The following CXCR6 variants were observed in gnomAD, a reference collection of about 807,000 sequenced individuals.
CXCR6 encodes C-X-C motif chemokine receptor 6.
In CXCR6, 3 loss-of-function variants were observed where a neutral mutation model predicts 1.6. That is an observed-to-expected ratio of 1.83 (90% confidence interval 0.83 to 4.72). The LOEUF (loss-of-function observed/expected upper bound fraction) is 4.72. Among genes scored for constraint, CXCR6 ranks in the 30% most tolerant of loss-of-function variants. CXCR6 has a pLI of 0.02. For synonymous variants in CXCR6, 171 were observed against 159.2 expected (o/e 1.07, Z -0.56); for missense variants, 326 against 414.8 (o/e 0.79, Z 1.86).
In CXCR6 at chr3:45,947,507, A is replaced by G. The variant is rs1408626161; in HGVS notation, c.1026A>G (p.Leu342=). ...TGGAGGCCACCAGCATGTTCCAGTT[A>G]TAGGCCTTGCCAGGGTTTCGAGAAG... The part of the protein sequence containing the change: ...HNVEATSMFQ[L] The change falls in exon 2 of 2, where the codon TTA becomes TTG. Residue 342 remains leucine, a synonymous_variant. Coordinates refer to ENST00000304552, the MANE Select transcript of CXCR6 (RefSeq NM_006564.2). The G allele has an allele frequency of 6.2e-6, 10 of 1,611,358 alleles. No individual in the cohort carries two copies. The highest frequency in any genetic ancestry group is 3.3e-4 in the Middle Eastern group (2 of 6,054).
upstream of CXCR6, among the ~76,000 whole-genome samples, chr3:45,942,971 C>T (rs1017249594): frequency 6.6e-6 from 1 of 152,168 alleles, no homozygotes; most frequent in Non-Finnish European, 1.5e-5. Flanking sequence ...TAGCTGTGTG[C>T]ACCAGGGCTT....
upstream of CXCR6, chr3:45,941,135 T>G (rs2125812803): frequency 6.6e-6 from 1 of 152,386 alleles, no homozygotes; most frequent in East Asian, 1.9e-4. Context: ...TCCTCTCATC[T>G]TAGCCTCTTG....
chr3:45,944,890 T>C (rs185648776), intron 1 of CXCR6: 1 of 152,354 alleles, frequency 6.6e-6, no homozygotes, highest in East Asian at 1.9e-4. Context: ...TTTGCCCATG[T>C]GAATCAATAA....
Position 45,946,686 on chromosome 3 carries a change from T to C in CXCR6, c.205T>C (p.Phe69Leu), listed in dbSNP as rs1704632628. ...YHKLQSLTDV[F>L]LVNLPLADLV... ...TAAGTTGCAGAGCCTGACGGATGTG[T>C]TCCTGGTGAACCTACCCCTGGCTGA... is the stretch of plus-strand genomic sequence containing the variant. Residue 69 changes from phenylalanine to leucine, a missense_variant, in exon 2 of 2, where the codon TTC (phenylalanine) becomes CTC (leucine). Phe to Leu is a conservative substitution (Grantham distance 22). Coordinates refer to ENST00000304552, the MANE Select transcript of CXCR6 (RefSeq NM_006564.2). The C allele has an allele frequency of 6.2e-7, 1 of 1,614,228 alleles. No individual in the cohort carries two copies. The highest frequency in any genetic ancestry group is 2.2e-5 in the East Asian group (1 of 44,896).
At chr3:45,945,553 T>C (rs992008193) in intron 1 of CXCR6, 1 of 152,146 alleles carries the variant, frequency 6.6e-6, no homozygotes, top group Admixed American at 6.5e-5. Context: ...CCATTTCAAT[T>C]GGGTTTTCTG....
At position 45,946,562 on chromosome 3, in the gene CXCR6, G is replaced by A; in HGVS notation, c.81G>A (p.Leu27=). The change falls in exon 2 of 2, where the codon CTG becomes CTA. Residue 27 remains leucine, a synonymous_variant. Transcript: ENST00000304552. ...GCCAGGAGGAGCATCAAGACTTCCTGCAGTTCAGCAAGGTCTTTCTGCCCT... is the reference window on the plus strand; with the variant it reads ...GCCAGGAGGAGCATCAAGACTTCCTACAGTTCAGCAAGGTCTTTCTGCCCT... ...DSSQEEHQDF[L]QFSKVFLPCM... is the part of the protein sequence containing the mutation. The A allele has an allele frequency of 6.2e-7, 1 of 1,614,200 alleles. No individual in the cohort carries two copies. Among genetic ancestry groups the A allele is most frequent in the Non-Finnish European group, 8.5e-7 (1 of 1,180,036 alleles).
Position 45,948,303 on chromosome 3 carries a change from TA to T in CXCR6, c.*794del, listed in dbSNP as rs1366136620. ...CATACACACATATGTCATATATTAC[TA>T]GCATATGAGTTTCATAGCTAAGAAA... On this transcript the variant is annotated 3_prime_UTR_variant, in exon 2 of 2. Coordinates refer to ENST00000304552, the MANE Select transcript of CXCR6 (RefSeq NM_006564.2). 6.0e-6 allele frequency: 1 copy of T among 166,706 alleles called. No homozygotes were observed. Among genetic ancestry groups the T allele is most frequent in the African/African-American group, 2.4e-5 (1 of 41,470 alleles). 10.3% of individuals were successfully genotyped at this position (166,706 alleles called of 1,614,324 possible).
Position 45,947,073 on chromosome 3 carries a change from C to A in CXCR6, c.592C>A (p.Leu198Met). Reference protein sequence around the residue: ...STVVLATQMTLGFFLPLLTMI... With the variant: ...STVVLATQMTMGFFLPLLTMI... ...TGTGGTTCTTGCCACCCAGATGACACTGGGGTTCTTCTTGCCACTGCTCAC... is the reference window on the plus strand; with the variant it reads ...TGTGGTTCTTGCCACCCAGATGACAATGGGGTTCTTCTTGCCACTGCTCAC... Residue 198 changes from leucine (L) to methionine (M), a missense_variant, in exon 2 of 2, where the codon CTG becomes ATG. By Grantham distance (15) the Leu-to-Met change is conservative (BLOSUM62 2). Coordinates refer to ENST00000304552, the MANE Select transcript of CXCR6 (RefSeq NM_006564.2). 1 of 1,614,230 alleles carries A rather than the reference C, an allele frequency of 6.2e-7. No individual in the cohort carries two copies. The highest frequency in any genetic ancestry group is 1.1e-5 in the South Asian group (1 of 91,082).
At position 45,947,469 on chromosome 3, in the gene CXCR6, G is replaced by A; in HGVS notation, c.988G>A (p.Ala330Thr). ...TGAGGACAATTCCAAGACTTTTTCTGCCTCCCACAATGTGGAGGCCACCAG... is the reference window on the plus strand; with the variant it reads ...TGAGGACAATTCCAAGACTTTTTCTACCTCCCACAATGTGGAGGCCACCAG... Reference protein sequence around the residue: ...SSEDNSKTFSASHNVEATSMF... With the variant: ...SSEDNSKTFSTSHNVEATSMF... Residue 330 changes from alanine (A) to threonine (T), a missense_variant, in exon 2 of 2, where the codon GCC (alanine) becomes ACC (threonine). Ala to Thr is a moderately conservative substitution (Grantham distance 58, BLOSUM62 0). Coordinates refer to ENST00000304552, the MANE Select transcript of CXCR6 (RefSeq NM_006564.2). The A allele has an allele frequency of 6.2e-7, 1 of 1,614,194 alleles. No individual in the cohort carries two copies. The highest frequency in any genetic ancestry group is 8.5e-7 in the Non-Finnish European group (1 of 1,180,018).
At position 45,948,338 on chromosome 3, in the gene CXCR6, T is replaced by A. The variant is rs1704772371; in HGVS notation, c.*828T>A. ...GTTTCATAGCTAAGAAATAAAACTG[T>A]TAAAGTCTCCAAACTACTTTTACAC... On this transcript the variant is annotated 3_prime_UTR_variant, in exon 2 of 2. Coordinates refer to ENST00000304552, the MANE Select transcript of CXCR6 (RefSeq NM_006564.2). The A allele has an allele frequency of 6.0e-6, 1 of 165,632 alleles. No individual in the cohort carries two copies. Among genetic ancestry groups the A allele is most frequent in the African/African-American group, 2.4e-5 (1 of 41,468 alleles). 10.3% of individuals were successfully genotyped at this position (165,632 alleles called of 1,614,324 possible). A position where few individuals can be genotyped will look rare whatever the true frequency, so the allele number is the denominator to read the frequency against.
At chr3:45,943,897 C>T (rs2125817660) in intron 1 of CXCR6, among the ~76,000 whole-genome samples, 2 of 152,236 alleles carry the variant, frequency 1.3e-5, no homozygotes, top group South Asian at 4.1e-4. Context: ...ATAAGACAGG[C>T]TGTTTTATCA....
chr3:45,942,619 TG>T (rs1158647894), upstream of CXCR6, among the ~76,000 whole-genome samples: 1 of 152,200 alleles, frequency 6.6e-6, no homozygotes, highest in Non-Finnish European at 1.5e-5. Context: ...TACAAGGCAC[TG>T]GGGCATGTGA....
chr3:45,946,692 G>A lies in CXCR6; in HGVS notation c.211G>A (p.Val71Met), dbSNP rs377719003. The A allele has an allele frequency of 6.8e-6, 11 of 1,614,088 alleles. No homozygotes were observed. In the East Asian group the frequency reaches 8.9e-5, roughly 13 times the overall value. Residue 71 changes from valine (V) to methionine (M), a missense_variant, in exon 2 of 2, where the codon GTG becomes ATG. Physicochemically the swap from Val to Met is conservative, Grantham distance 21. Transcript: ENST00000304552. Reference protein sequence around the residue: ...KLQSLTDVFLVNLPLADLVFV... With the variant: ...KLQSLTDVFLMNLPLADLVFV... ...GCAGAGCCTGACGGATGTGTTCCTGGTGAACCTACCCCTGGCTGACCTGGT... is the reference window on the plus strand; with the variant it reads ...GCAGAGCCTGACGGATGTGTTCCTGATGAACCTACCCCTGGCTGACCTGGT...
intron 1 of CXCR6, among the ~76,000 whole-genome samples, chr3:45,944,128 G>A (rs1371746898): frequency 2.0e-5 from 3 of 152,058 alleles, no homozygotes; most frequent in Non-Finnish European, 4.4e-5. Flanking sequence ...CAGAATACAT[G>A]GCAGAAGGAT....
At chr3:45,944,214 G>GTATA (rs1211915624) in intron 1 of CXCR6, among the ~76,000 whole-genome samples, 1 of 151,582 alleles carries the variant, frequency 6.6e-6, no homozygotes, top group Admixed American at 6.6e-5. Flanking sequence ...GTGTGTGTGT[G>GTATA]TGTATATATA....
Position 45,947,174 on chromosome 3 carries a change from G to A in CXCR6, c.693G>A (p.Lys231=), listed in dbSNP as rs767173323. The A allele has an allele frequency of 4.5e-5, 73 of 1,614,048 alleles. 1 individual carries two copies. The Admixed American group carries it at 1.2e-3, about 27-fold the overall frequency. The change falls in exon 2 of 2, where the codon AAG becomes AAA. Residue 231 remains lysine, a synonymous_variant. Transcript: ENST00000304552. ...GCTTCCAGAAGCACAGATCTCTAAA[G>A]ATCATCTTCCTGGTGATGGCTGTGT... ...AGGFQKHRSL[K]IIFLVMAVFL... is the part of the protein sequence containing the mutation.
Position 45,947,133 on chromosome 3 carries a change from C to G in CXCR6, c.652C>G (p.Leu218Val). The G allele has an allele frequency of 6.2e-7, 1 of 1,614,218 alleles. No homozygotes were observed. The highest frequency in any genetic ancestry group is 8.5e-7 in the Non-Finnish European group (1 of 1,180,034). The change falls in exon 2 of 2, where the codon CTG (leucine) becomes GTG (valine). Residue 218 changes from leucine to valine, a missense_variant. Transcript: ENST00000304552. ...IVCYSVIIKT[L>V]LHAGGFQKHR... Reference sequence around the variant, plus strand: ...CTGCTATTCAGTCATAATCAAAACACTGCTTCATGCTGGAGGCTTCCAGAA... The same window carrying G: ...CTGCTATTCAGTCATAATCAAAACAGTGCTTCATGCTGGAGGCTTCCAGAA...
chr3:45,944,920 C>T (rs1309306449), intron 1 of CXCR6: 1 of 152,146 alleles, frequency 6.6e-6, no homozygotes, highest in African/African-American at 2.4e-5. Context: ...ATCATCTGAC[C>T]TACTTAATAC....
intron 1 of CXCR6, among the ~76,000 whole-genome samples, chr3:45,944,315 T>C (rs1334336335): frequency 6.6e-6 from 1 of 152,206 alleles, no homozygotes; most frequent in Non-Finnish European, 1.5e-5. Flanking sequence ...CAATTTTATA[T>C]CCTTTTGACA....
Sources: gnomAD v4.1 joint callset for allele counts (sites outside exome capture counted in the v4.1 genomes callset) on GRCh38, gnomAD v4.1.1 for gene constraint, MANE v1.5 for transcripts, NCBI Gene and HGNC (gene_info 2026-07-23, HGNC 2026-07-21) for gene names.